TIAM1: variants seen among roughly 807,000 people sequenced by gnomAD.
TIAM1 encodes the protein rho guanine nucleotide exchange factor TIAM1.
Under a neutral mutation model 163.5 loss-of-function variants are expected in TIAM1, and 65 were observed. The ratio of observed to expected loss-of-function variants is 0.40; its 90% CI spans 0.33 to 0.49. TIAM1 has a LOEUF of 0.49. Among genes scored for constraint, TIAM1 ranks in the 20% least tolerant of loss-of-function variants. The pLI is 0.77. For missense variants in TIAM1, 1,789 were observed against 2,044.7 expected (o/e 0.87, Z 2.41); for synonymous variants, 833 against 810.1 (o/e 1.03, Z -0.48).
At chr21:31,501,818 G>T (rs1008052839) in intron 1 of TIAM1, among the ~76,000 whole-genome samples, 11 of 152,288 alleles carry the variant, frequency 7.2e-5, no homozygotes, top group African/African-American at 2.4e-4. Context: ...GGCCAGGCTG[G>T]TCTCGAACTC....
intron 1 of TIAM1, among the ~76,000 whole-genome samples, chr21:31,504,923 T>G (rs560927706): frequency 1.3e-5 from 2 of 152,294 alleles, no homozygotes; most frequent in South Asian, 4.1e-4. Flanking sequence ...GCCCTGATAC[T>G]GCAAGACAGA....
chr21:31,528,877 C>CTT (rs2047875065), intron 1 of TIAM1, among the ~76,000 whole-genome samples: 1 of 150,536 alleles, frequency 6.6e-6, no homozygotes, highest in African/African-American at 2.4e-5. Flanking sequence ...TTATCATATC[C>CTT]TTTCAGGAAA....
intron 1 of TIAM1, among the ~76,000 whole-genome samples, chr21:31,503,665 A>G (rs1382949257): frequency 8.7e-6 from 1 of 114,466 alleles, no homozygotes; most frequent in African/African-American, 3.4e-5. Context: ...TGACAAAACC[A>G]AAACGGCAGG....
chr21:31,538,444 G>A (rs1055128526), intron 1 of TIAM1, among the ~76,000 whole-genome samples: 1 of 152,180 alleles, frequency 6.6e-6, no homozygotes, highest in Non-Finnish European at 1.5e-5. Context: ...TCAGGAGGCT[G>A]AGATGGGAGA....
At chr21:31,142,579 C>T (rs8131427) in intron 20 of TIAM1, among the ~76,000 whole-genome samples, 12,593 of 142,344 alleles carry the variant, frequency 0.088, 591 homozygotes, top group African/African-American at 0.1. Context: ...TGCAGTGAGC[C>T]GAGATCGTGC....
chr21:31,131,375 T>C (rs936522523), intron 23 of TIAM1, among the ~76,000 whole-genome samples: 11 of 152,202 alleles, frequency 7.2e-5, no homozygotes, highest in East Asian at 1.9e-4. Context: ...ATAGTGCACA[T>C]AGACAGTGAT....
chr21:31,294,434 G>A (rs866228033), intron 2 of TIAM1, among the ~76,000 whole-genome samples: 6 of 152,206 alleles, frequency 3.9e-5, no homozygotes, highest in South Asian at 2.1e-4. Context: ...AGAGCAGGGA[G>A]TTTGAATTTT....
intron 2 of TIAM1, among the ~76,000 whole-genome samples, chr21:31,292,996 G>T (rs2074090373): frequency 6.6e-6 from 1 of 152,236 alleles, no homozygotes; most frequent in African/African-American, 2.4e-5. Context: ...GCTCATTTTT[G>T]TATTTGTAGT....
chr21:31,223,317 G>A, intron 8 of TIAM1, 89 bp downstream of exon 8: 18 of 1,425,036 alleles, frequency 1.3e-5, no homozygotes, highest in South Asian at 4.5e-5. Context: ...CAGGAAGCTC[G>A]AAAAACACTT....
At chr21:31,133,489 C>A (rs558324668) in intron 23 of TIAM1, among the ~76,000 whole-genome samples, 114 of 152,356 alleles carry the variant, frequency 7.5e-4, no homozygotes, top group African/African-American at 2.6e-3. Flanking sequence ...TTCTCATAAA[C>A]AGCCCAGGAG....
At chr21:31,327,682 AAAG>A (rs148410405) in intron 2 of TIAM1, among the ~76,000 whole-genome samples, 6,796 of 151,230 alleles carry the variant, frequency 0.045, 215 homozygotes, top group Non-Finnish European at 0.075. Context: ...AGAAAACAGA[AAAG>A]AAGAAAAAAG....
rs1569360348 is a variant in TIAM1 at position 31,470,850 on chromosome 21, G to T, written c.-421-6815C>A. On this transcript the variant is annotated intron_variant, in intron 1 of 28. Coordinates refer to the TIAM1 transcript ENST00000286827. ...TGGTGGGTACCCAGGTCAGCTCCAT[G>T]AGCAGGAATGCCACCTCTTCCCTTG... Among the ~76,000 whole-genome samples, 2 of 152,142 alleles carry T rather than the reference G, an allele frequency of 1.3e-5. 1 individual carries two copies. Among genetic ancestry groups the T allele is most frequent in the South Asian group, 4.1e-4 (2 of 4,834 alleles).
chr21:31,513,418 C>T (rs2047277433), intron 1 of TIAM1, among the ~76,000 whole-genome samples: 1 of 152,152 alleles, frequency 6.6e-6, no homozygotes, highest in South Asian at 2.1e-4. Flanking sequence ...CCCCTGTTCG[C>T]TATTAAGCGA....
At chr21:31,503,200 G>A (rs980610564) in intron 1 of TIAM1, among the ~76,000 whole-genome samples, 1 of 151,856 alleles carries the variant, frequency 6.6e-6, no homozygotes, top group African/African-American at 2.4e-5. Context: ...TTCAAGACCA[G>A]CTTGGCCAAC....
chr21:31,213,400 T>A lies in TIAM1; in HGVS notation c.2215A>T (p.Lys739Ter). 1 of 1,608,800 alleles carries A rather than the reference T, an allele frequency of 6.2e-7. No individual in the cohort carries two copies. The highest frequency in any genetic ancestry group is 8.5e-7 in the Non-Finnish European group (1 of 1,178,832). The change falls in exon 10 of 28, where the codon AAG (lysine) becomes TAG (stop). Residue 739 changes from lysine to a stop codon, truncating the protein, a stop_gained and splice_region_variant. Transcript: ENST00000541036. LOFTEE classifies it high-confidence loss of function. ...GIFDDIVPDG[K>*]REKEVVLPNV... ...AGAAAACACACGTTTATTTTTACCTTGCCATCTGGAACAATGTCATCAAAT... is the reference window on the plus strand; with the variant it reads ...AGAAAACACACGTTTATTTTTACCTAGCCATCTGGAACAATGTCATCAAAT...
chr21:31,136,136 T>C, intron 22 of TIAM1, 95 bp from the exon 23 acceptor site: 1 of 1,100,294 alleles, frequency 9.1e-7, no homozygotes. Context: ...ATATTAATTT[T>C]ACTTCAAGAA....
chr21:31,467,043 T>C (rs1458964088), intron 1 of TIAM1, among the ~76,000 whole-genome samples: 1 of 150,034 alleles, frequency 6.7e-6, no homozygotes, highest in Non-Finnish European at 1.5e-5. Flanking sequence ...AAGCTTGCGA[T>C]CACTAACAGA....
intron 1 of TIAM1, among the ~76,000 whole-genome samples, chr21:31,467,355 G>A (rs990550811): frequency 6.6e-5 from 10 of 152,068 alleles, no homozygotes; most frequent in South Asian, 4.2e-4. Flanking sequence ...AAATAAGGCC[G>A]GGCGCAGTGG....
In TIAM1 at chr21:31,512,791, T is replaced by G. The variant is rs183329656; in HGVS notation, c.-422+46136A>C. Reference sequence around the variant, plus strand: ...AGCCACCATGCCTAGTTAGGTGTTTTTTTGTTTGTTTGTTTGTTTGTTTTG... The same window carrying G: ...AGCCACCATGCCTAGTTAGGTGTTTGTTTGTTTGTTTGTTTGTTTGTTTTG... On this transcript the variant is annotated intron_variant, in intron 1 of 28. Coordinates refer to the TIAM1 transcript ENST00000286827. 4.6e-3 allele frequency among the ~76,000 whole-genome samples: 688 copies of G among 151,000 alleles called. 6 individuals are homozygous for G. Among genetic ancestry groups the G allele is most frequent in the African/African-American group, 0.015 (625 of 41,116 alleles).
Sources: allele counts gnomAD v4.1 joint callset (sites outside exome capture counted in the v4.1 genomes callset), GRCh38; gene constraint gnomAD v4.1.1; transcripts MANE v1.5; gene names NCBI Gene and HGNC (gene_info 2026-07-23, HGNC 2026-07-21).